The following CNTN1 variants were observed in gnomAD, a reference collection of about 807,000 sequenced individuals.
CNTN1 encodes contactin-1.
CNTN1 carries 38 observed loss-of-function variants against 126.4 expected under a neutral mutation model. The ratio of observed to expected loss-of-function variants is 0.30; its 90% CI spans 0.23 to 0.39. The LOEUF is 0.39. Among genes scored for constraint, CNTN1 ranks in the 10% least tolerant of loss-of-function variants. The pLI, the probability that CNTN1 is intolerant of heterozygous loss-of-function variation, is 1.00. For synonymous variants in CNTN1, 413 were observed against 422.6 expected, an observed-to-expected ratio of 0.98 and a Z score of 0.28; for missense variants, 1,009 against 1,248.4, an observed-to-expected ratio of 0.81 and a Z score of 2.89.
chr12:40,930,063 C>A, intron 7 of CNTN1, 61 bp downstream of exon 7: 2 of 1,265,546 alleles, frequency 1.6e-6, no homozygotes, highest in South Asian at 1.2e-5. Context: ...GTATACTTAC[C>A]GTAATGAAAA....
chr12:40,844,069 A>ATTTTTTTTTCTTTTTTTTTTTTTTT (rs1942398324), intron 1 of CNTN1, among the ~76,000 whole-genome samples: 1 of 84,684 alleles, frequency 1.2e-5, no homozygotes. Flanking sequence ...TGGCACAATG[A>ATTTTTTTTTCTTTTTTTTTTTTTTT]TTTTTTTTTT....
chr12:40,725,735 G>A (rs368719171), intron 1 of CNTN1, among the ~76,000 whole-genome samples: 4 of 152,092 alleles, frequency 2.6e-5, no homozygotes, highest in Non-Finnish European at 5.9e-5. Flanking sequence ...GCTCACCTCA[G>A]CTCTTAAAAT....
intron 15 of CNTN1, among the ~76,000 whole-genome samples, chr12:40,961,072 T>G (rs1947092181): frequency 4.6e-5 from 7 of 151,992 alleles, no homozygotes; most frequent in Admixed American, 4.6e-4. Context: ...GGTAATTAAT[T>G]ATCACCACTA....
intron 1 of CNTN1, among the ~76,000 whole-genome samples, chr12:40,904,120 G>C (rs938513482): frequency 2.0e-4 from 31 of 152,068 alleles, no homozygotes; most frequent in Non-Finnish European, 4.3e-4. Context: ...CTGGGTTCAC[G>C]CCATTCTCCT....
chr12:40,767,566 C>G (rs944737403), intron 1 of CNTN1, among the ~76,000 whole-genome samples: 1 of 151,958 alleles, frequency 6.6e-6, no homozygotes, highest in Non-Finnish European at 1.5e-5. Context: ...CCTTGGCCTC[C>G]CAAAGTGCTG....
Position 40,935,616 on chromosome 12 carries a change from G to T in CNTN1, c.986-1165G>T, listed in dbSNP as rs1274466461. 3.3e-5 allele frequency among the ~76,000 whole-genome samples: 5 copies of T among 151,950 alleles called. No homozygotes were observed. In the East Asian group the frequency reaches 7.7e-4, roughly 23 times the overall value. ...TCTTTGTGAGGCCAAGACAGGAAGGGTGCTGATATTCCTGTATTATGTATT... is the reference window on the plus strand; with the variant it reads ...TCTTTGTGAGGCCAAGACAGGAAGGTTGCTGATATTCCTGTATTATGTATT... On this transcript the variant is annotated intron_variant, in intron 9 of 23. Coordinates refer to ENST00000551295, the MANE Select transcript of CNTN1 (RefSeq NM_001843.4).
chr12:40,860,579 C>T (rs922874655), intron 1 of CNTN1, among the ~76,000 whole-genome samples: 1 of 151,994 alleles, frequency 6.6e-6, no homozygotes, highest in African/African-American at 2.4e-5. Flanking sequence ...TGTAATGTCT[C>T]ATAGAACTCA....
At position 41,014,159 on chromosome 12, in the gene CNTN1, T is replaced by C. The variant is rs941113748; in HGVS notation, c.2114-69T>C. 3 of 1,452,364 alleles carry C rather than the reference T, an allele frequency of 2.1e-6. No individual in the cohort carries two copies. In the African/African-American group the frequency reaches 4.2e-5, roughly 20 times the overall value. 90.0% of individuals were successfully genotyped at this position (1,452,364 alleles called of 1,614,324 possible). A position where few individuals can be genotyped will look rare whatever the true frequency, so the allele number is the denominator to read the frequency against. ...TGGTTTCTGTGGTGAATAAGAATTC[T>C]AACACCAGGAAAAAAATGCAGGCCC... On this transcript the variant is annotated intron_variant, in intron 17 of 23. Transcript: ENST00000551295.
intron 1 of CNTN1, among the ~76,000 whole-genome samples, chr12:40,907,953 G>A (rs770308029): frequency 6.6e-6 from 1 of 152,124 alleles, no homozygotes; most frequent in Admixed American, 6.6e-5. Flanking sequence ...CAGGCCTTCC[G>A]TTAAATGTAA....
At chr12:40,936,120 T>TG (rs1412438707) in intron 9 of CNTN1, among the ~76,000 whole-genome samples, 1 of 152,128 alleles carries the variant, frequency 6.6e-6, no homozygotes, top group Non-Finnish European at 1.5e-5. Flanking sequence ...ATTTTTTCTT[T>TG]GGAAAATTTT....
At chr12:40,881,302 T>G (rs971192987) in intron 1 of CNTN1, among the ~76,000 whole-genome samples, 8 of 151,868 alleles carry the variant, frequency 5.3e-5, no homozygotes, top group Non-Finnish European at 1.2e-4. Flanking sequence ...CTATAAATTG[T>G]GTGAATTTGA....
chr12:40,821,798 G>A (rs907140954), intron 1 of CNTN1, among the ~76,000 whole-genome samples: 1 of 151,950 alleles, frequency 6.6e-6, no homozygotes, highest in African/African-American at 2.4e-5. Context: ...AATAGAATTG[G>A]ATGACATTAG....
intron 1 of CNTN1, among the ~76,000 whole-genome samples, chr12:40,806,150 C>T (rs1348820381): frequency 6.6e-6 from 1 of 152,056 alleles, no homozygotes; most frequent in Non-Finnish European, 1.5e-5. Context: ...GCTCTAATCT[C>T]AGCCTTAAAG....
chr12:40,971,388 T>A (rs760487838), intron 15 of CNTN1: 5 of 1,514,890 alleles, frequency 3.3e-6, no homozygotes, highest in African/African-American at 2.7e-5. Flanking sequence ...CTGCCCCTAA[T>A]TGGGCATCCA....
intron 3 of CNTN1, 43 bp from the exon 4 acceptor site, chr12:40,918,596 T>A: frequency 6.3e-7 from 1 of 1,580,530 alleles, no homozygotes; most frequent in Non-Finnish European, 8.7e-7. Context: ...TTTCTTTGAC[T>A]TATAAAGCAG....
chr12:41,064,197 G>T (rs1419430848), intron 23 of CNTN1, among the ~76,000 whole-genome samples: 1 of 150,808 alleles, frequency 6.6e-6, no homozygotes, highest in Non-Finnish European at 1.5e-5. Context: ...AAAACAATGT[G>T]AGGCAAATTG....
chr12:40,765,583 TG>T (rs1939051738), intron 1 of CNTN1, among the ~76,000 whole-genome samples: 1 of 152,094 alleles, frequency 6.6e-6, no homozygotes, highest in African/African-American at 2.4e-5. Context: ...AGGGAAAAAA[TG>T]TGTTTTAAGA....
chr12:41,025,492 T>A (rs1022558157), intron 21 of CNTN1, among the ~76,000 whole-genome samples, 156 bp downstream of exon 21: 5 of 152,198 alleles, frequency 3.3e-5, no homozygotes, highest in Non-Finnish European at 7.3e-5. Flanking sequence ...ACGTGAATTA[T>A]TGTAGATGAT....
intron 1 of CNTN1, among the ~76,000 whole-genome samples, chr12:40,861,354 G>T (rs541694601): frequency 6.6e-6 from 1 of 151,272 alleles, no homozygotes; most frequent in South Asian, 2.1e-4. Context: ...TTTCTATTTA[G>T]AAAAAAATAC....
Sources: gnomAD v4.1 joint callset for allele counts (sites outside exome capture counted in the v4.1 genomes callset) on GRCh38, gnomAD v4.1.1 for gene constraint, MANE v1.5 for transcripts, NCBI Gene and HGNC (gene_info 2026-07-23, HGNC 2026-07-21) for gene names.